The following SMARCAD1 variants were observed in gnomAD, a reference collection of about 807,000 sequenced individuals.
SMARCAD1 encodes the protein SNF2 related chromatin remodeling ATPase with DExD box 1.
In SMARCAD1, 25 loss-of-function variants were observed where a neutral mutation model predicts 127.1. The ratio of observed to expected loss-of-function variants is 0.20; its 90% CI spans 0.14 to 0.27. SMARCAD1 has a LOEUF of 0.27. SMARCAD1 is among the 10% of genes least tolerant of loss of function. The pLI is 1.00. For synonymous variants in SMARCAD1, 400 were observed against 396.9 expected, an observed-to-expected ratio of 1.01 and a Z score of -0.09; for missense variants, 807 against 1,206.0, an observed-to-expected ratio of 0.67 and a Z score of 4.90.
At chr4:94,264,678 A>G (rs41275679) in intron 9 of SMARCAD1, 29 bp from the exon 10 acceptor site, 69,238 of 1,581,800 alleles carry the variant, frequency 0.044, 1,756 homozygotes, top group Non-Finnish European at 0.05. Context: ...GATCTGAACT[A>G]TTCAATTATT....
chr4:94,252,598 T>C lies in SMARCAD1; in HGVS notation c.890-18T>C. ...ATGTATTTCTAATTTAGTTACTGTT[T>C]TTGTCTTTTATATACAGATATGCAA... is the stretch of plus-strand genomic sequence containing the variant. On this transcript the variant is annotated intron_variant, in intron 8 of 23. Coordinates refer to ENST00000354268, the MANE Select transcript of SMARCAD1 (RefSeq NM_020159.5). The C allele has an allele frequency of 6.7e-7, 1 of 1,486,952 alleles. No homozygotes were observed. The highest frequency in any genetic ancestry group is 1.3e-5 in the South Asian group (1 of 75,688). The allele number at this position is 1,486,952 out of a possible 1,614,324, so 92.1% of individuals were successfully genotyped here.
intron 2 of SMARCAD1, among the ~76,000 whole-genome samples, chr4:94,218,157 GT>G (rs1244381613): frequency 5.9e-5 from 9 of 152,134 alleles, no homozygotes; most frequent in African/African-American, 2.2e-4. Context: ...GGATATGTCA[GT>G]TATATTTTTA....
intron 23 of SMARCAD1, among the ~76,000 whole-genome samples, chr4:94,287,298 A>G (rs1755081559): frequency 6.6e-6 from 1 of 152,136 alleles, no homozygotes; most frequent in Non-Finnish European, 1.5e-5. Flanking sequence ...TAATTTTGAC[A>G]CTGGACTGAT....
rs1753407643 is a variant in SMARCAD1 at position 94,277,007 on chromosome 4, T to C, written c.1945-15T>C. The C allele has an allele frequency of 1.2e-6, 2 of 1,613,822 alleles. No homozygotes were observed. Among genetic ancestry groups the C allele is most frequent in the Admixed American group, 3.3e-5 (2 of 59,990 alleles). On this transcript the variant is annotated splice_polypyrimidine_tract_variant and intron_variant, in intron 15 of 23. Coordinates refer to ENST00000354268, the MANE Select transcript of SMARCAD1 (RefSeq NM_020159.5). ...TTTAAGAAAAAGCTAATATAAATTT[T>C]ACCTTCATTCACAGGCAAATAACCG...
At position 94,277,174 on chromosome 4, in the gene SMARCAD1, A is replaced by G. The variant is rs201820971; in HGVS notation, c.2082+15A>G. ...CCTCTAAGACAGTAAGCATAAATGCATATTTTCTCCCAAATATGTTATTTG... is the reference window on the plus strand; with the variant it reads ...CCTCTAAGACAGTAAGCATAAATGCGTATTTTCTCCCAAATATGTTATTTG... On this transcript the variant is annotated intron_variant, in intron 16 of 23. Transcript: ENST00000354268. 69 of 1,613,352 alleles carry G rather than the reference A, an allele frequency of 4.3e-5. No homozygotes were observed. The highest frequency in any genetic ancestry group is 1.6e-4 in the Middle Eastern group (1 of 6,078).
chr4:94,257,221 T>C (rs1250723542), intron 9 of SMARCAD1, among the ~76,000 whole-genome samples: 1 of 152,192 alleles, frequency 6.6e-6, no homozygotes, highest in Non-Finnish European at 1.5e-5. Context: ...AGATTTATCA[T>C]TTTTTGAGAA....
At chr4:94,274,355 T>C (rs1752962728) in intron 12 of SMARCAD1, among the ~76,000 whole-genome samples, 1 of 152,212 alleles carries the variant, frequency 6.6e-6, no homozygotes, top group Non-Finnish European at 1.5e-5. Flanking sequence ...TAAGACAGTC[T>C]CGCTGTGTCA....
rs563784025 is a variant in SMARCAD1, at chr4:94,213,724, C to T, written c.190+5140C>T. 7.2e-5 allele frequency among the ~76,000 whole-genome samples: 11 copies of T among 152,152 alleles called. 1 individual carries two copies. Among genetic ancestry groups the T allele is most frequent in the Middle Eastern group, 6.8e-3 (2 of 294 alleles). The stretch of plus-strand genomic sequence containing the variant: ...AGGATTTACAGATAACTCAAATGTT[C>T]CTTGCTTGGACAGCTGGAGGATTGA... On this transcript the variant is annotated intron_variant, in intron 2 of 23. Coordinates refer to ENST00000354268, the MANE Select transcript of SMARCAD1 (RefSeq NM_020159.5).
chr4:94,227,132 G>A (rs1210644583), intron 3 of SMARCAD1, among the ~76,000 whole-genome samples: 1 of 152,114 alleles, frequency 6.6e-6, no homozygotes, highest in Non-Finnish European at 1.5e-5. Flanking sequence ...ATGTAGATGT[G>A]GGGGAAAGAG....
chr4:94,268,042 T>C (rs376432032), intron 10 of SMARCAD1, among the ~76,000 whole-genome samples: 5 of 152,280 alleles, frequency 3.3e-5, no homozygotes, highest in African/African-American at 9.6e-5. Context: ...GGATCTGTAA[T>C]TGGCAGCAGT....
chr4:94,226,896 G>A (rs1745108026), intron 3 of SMARCAD1, among the ~76,000 whole-genome samples: 1 of 151,776 alleles, frequency 6.6e-6, no homozygotes, highest in Admixed American at 6.6e-5. Flanking sequence ...TAGAGGTGGG[G>A]TCTTGCTATG....
chr4:94,258,476 A>T (rs1417025119), intron 9 of SMARCAD1, among the ~76,000 whole-genome samples: 3 of 152,004 alleles, frequency 2.0e-5, no homozygotes, highest in Admixed American at 6.6e-5. Flanking sequence ...TGTCAGTTTC[A>T]TCTCTTTTAG....
rs551611840 is a variant in SMARCAD1 at position 94,208,595 on chromosome 4, A to G, written c.190+11A>G. 3.7e-6 allele frequency: 6 copies of G among 1,612,334 alleles called. No homozygotes were observed. The African/African-American group carries it at 4.0e-5, about 11-fold the overall frequency. ...TAACTGAAAAAACAGGTGAGTTACAATGTTAAAATTGATGTAACATCAAGG... is the reference window on the plus strand; with the variant it reads ...TAACTGAAAAAACAGGTGAGTTACAGTGTTAAAATTGATGTAACATCAAGG... On this transcript the variant is annotated intron_variant, in intron 2 of 23. Transcript: ENST00000354268.
chr4:94,252,588 AG>A (rs1371443915), intron 8 of SMARCAD1, 27 bp from the exon 9 acceptor site: 2 of 1,407,342 alleles, frequency 1.4e-6, no homozygotes, highest in Non-Finnish European at 1.9e-6. Context: ...TTTCTAATTT[AG>A]TTACTGTTTT....
At chr4:94,222,829 G>T (rs572791240) in intron 2 of SMARCAD1, among the ~76,000 whole-genome samples, 1 of 151,778 alleles carries the variant, frequency 6.6e-6, no homozygotes, top group Non-Finnish European at 1.5e-5. Context: ...CCGGGTGTCG[G>T]GGCAGGCACC....
intron 11 of SMARCAD1, among the ~76,000 whole-genome samples, 157 bp downstream of exon 11, chr4:94,270,975 G>A (rs529024774): frequency 4.3e-4 from 66 of 152,158 alleles, no homozygotes; most frequent in Non-Finnish European, 6.0e-4. Flanking sequence ...GATAGAGTTA[G>A]TTCTACCCTC....
At chr4:94,243,760 T>G (rs747563237) in intron 6 of SMARCAD1, among the ~76,000 whole-genome samples, 6 of 152,204 alleles carry the variant, frequency 3.9e-5, no homozygotes, top group African/African-American at 1.4e-4. Context: ...ACTGGCTGCC[T>G]CTTTTTACCA....
intron 22 of SMARCAD1, 87 bp downstream of exon 22, chr4:94,283,390 C>G: frequency 7.1e-7 from 1 of 1,404,416 alleles, no homozygotes; most frequent in Non-Finnish European, 9.9e-7. Flanking sequence ...GATGTCCTGC[C>G]TTAGTTTTTG....
At position 94,240,016 on chromosome 4, in the gene SMARCAD1, A is replaced by C. The variant is rs116381803; in HGVS notation, c.605-890A>C. ...GTAGTGACACAAATACTCTGCTTTAAAATGTTAATAACATTCCATTTTTAT... is the reference window on the plus strand; with the variant it reads ...GTAGTGACACAAATACTCTGCTTTACAATGTTAATAACATTCCATTTTTAT... On this transcript the variant is annotated intron_variant, in intron 5 of 23. Coordinates refer to ENST00000354268, the MANE Select transcript of SMARCAD1 (RefSeq NM_020159.5). 3.9e-3 allele frequency among the ~76,000 whole-genome samples: 596 copies of C among 152,344 alleles called. 5 individuals carry two copies. The highest frequency in any genetic ancestry group is 0.02 in the Middle Eastern group (6 of 294).
Sources: gnomAD v4.1 joint callset for allele counts (sites outside exome capture counted in the v4.1 genomes callset) on GRCh38, gnomAD v4.1.1 for gene constraint, MANE v1.5 for transcripts, NCBI Gene and HGNC (gene_info 2026-07-23, HGNC 2026-07-21) for gene names.